KCNMA1: variants seen among roughly 807,000 people sequenced by gnomAD.
The protein encoded by KCNMA1 is Calcium-activated potassium channel subunit alpha-1.
Under a neutral mutation model 140.0 loss-of-function variants are expected in KCNMA1, and 29 were observed. The ratio of observed to expected loss-of-function variants is 0.21; its 90% CI spans 0.15 to 0.28. The LOEUF (loss-of-function observed/expected upper bound fraction) is 0.28, where lower values mean the gene tolerates loss of function less well. Among genes scored for constraint, KCNMA1 ranks in the 10% least tolerant of loss-of-function variants. The pLI is 1.00. For synonymous variants in KCNMA1, 612 were observed against 611.9 expected (o/e 1.00, Z 0.00); for missense variants, 880 against 1,602.2 (o/e 0.55, Z 7.70).
chr10:77,420,376 A>G (rs1472637039), intron 1 of KCNMA1, among the ~76,000 whole-genome samples: 1 of 152,158 alleles, frequency 6.6e-6, no homozygotes, highest in Non-Finnish European at 1.5e-5. Flanking sequence ...TCCTTCCCAA[A>G]TCCTACACAT....
intron 23 of KCNMA1, among the ~76,000 whole-genome samples, chr10:76,934,587 G>A (rs375410952): frequency 2.0e-5 from 3 of 152,250 alleles, no homozygotes; most frequent in East Asian, 1.9e-4. Context: ...TGTCCCTTTT[G>A]CCTGTAGACC....
chr10:77,466,214 G>A (rs116422247), intron 1 of KCNMA1, among the ~76,000 whole-genome samples: 310 of 152,222 alleles, frequency 2.0e-3, no homozygotes, highest in African/African-American at 7.2e-3. Context: ...CCCTCACTTC[G>A]CCTGGTCTCC....
intron 1 of KCNMA1, chr10:77,634,239 G>GA: frequency 1.0e-6 from 1 of 985,230 alleles, no homozygotes; most frequent in Non-Finnish European, 1.2e-6. Flanking sequence ...ATCCCACAAG[G>GA]AAAAAAACAA....
Position 76,940,998 on chromosome 10 carries a change from A to AAAGG in KCNMA1, c.2902+3771_2902+3774dup, listed in dbSNP as rs752766663. 8.1e-4 allele frequency among the ~76,000 whole-genome samples: 51 copies of AAAGG among 63,298 alleles called. 1 individual carries two copies. Among genetic ancestry groups the AAAGG allele is most frequent in the South Asian group, 1.9e-3 (4 of 2,146 alleles). 41.5% of individuals were successfully genotyped at this position (63,298 alleles called of 152,430 possible). ...GAAAGAAAGAGAGAAAGAGAGAAAGAAAGGAAGGAAGGAAGGAAGGAAGAA... is the reference window on the plus strand; with the variant it reads ...GAAAGAAAGAGAGAAAGAGAGAAAGAAAGGAAGGAAGGAAGGAAGGAAGGAAGAA... On this transcript the variant is annotated intron_variant, in intron 23 of 27. Coordinates refer to ENST00000286628, the MANE Select transcript of KCNMA1 (RefSeq NM_001161352.2).
At chr10:77,314,162 G>C (rs778241846) in intron 2 of KCNMA1, 1 of 152,190 alleles carries the variant, frequency 6.6e-6, no homozygotes, top group African/African-American at 2.4e-5. Context: ...GGGCATGAGT[G>C]TGTGTCTATT....
chr10:77,090,722 T>C (rs1595754688), intron 9 of KCNMA1: 8 of 595,154 alleles, frequency 1.3e-5, no homozygotes, highest in Admixed American at 2.9e-5. Context: ...AAAAGCCATA[T>C]GGCTTCTCAC....
chr10:76,935,245 G>T (rs2060253571), intron 23 of KCNMA1, among the ~76,000 whole-genome samples: 1 of 152,200 alleles, frequency 6.6e-6, no homozygotes, highest in South Asian at 2.1e-4. Flanking sequence ...AGCCCCTTAG[G>T]TGCAAGGACC....
At chr10:77,212,156 T>C (rs1233940573) in intron 3 of KCNMA1, among the ~76,000 whole-genome samples, 2 of 152,190 alleles carry the variant, frequency 1.3e-5, no homozygotes, top group African/African-American at 2.4e-5. Flanking sequence ...TACATGCTCA[T>C]TGCCATGAAA....
intron 1 of KCNMA1, among the ~76,000 whole-genome samples, chr10:77,414,235 T>G (rs1006163050): frequency 6.6e-6 from 1 of 152,196 alleles, no homozygotes; most frequent in Non-Finnish European, 1.5e-5. Context: ...ACGCACTGTC[T>G]CAGCTCTGTA....
intron 21 of KCNMA1, among the ~76,000 whole-genome samples, chr10:76,953,495 G>A (rs2067047336): frequency 6.6e-6 from 1 of 152,104 alleles, no homozygotes; most frequent in African/African-American, 2.4e-5. Flanking sequence ...GGTACAGGCA[G>A]GCTCTGACAC....
intron 5 of KCNMA1, among the ~76,000 whole-genome samples, chr10:77,123,697 C>T (rs2097675845): frequency 6.6e-6 from 1 of 152,162 alleles, no homozygotes; most frequent in African/African-American, 2.4e-5. Context: ...GCATTATATA[C>T]ACACACCTAC....
At chr10:77,052,654 C>A (rs909285798) in intron 14 of KCNMA1, among the ~76,000 whole-genome samples, 1 of 148,794 alleles carries the variant, frequency 6.7e-6, no homozygotes, top group Non-Finnish European at 1.5e-5. Context: ...TCAAAATATT[C>A]TTTTTAAAAA....
intron 1 of KCNMA1, among the ~76,000 whole-genome samples, chr10:77,504,277 C>T (rs1486697666): frequency 1.3e-5 from 2 of 152,182 alleles, no homozygotes; most frequent in East Asian, 1.9e-4. Context: ...GCCCCATCAC[C>T]CTCCAGATAT....
intron 3 of KCNMA1, among the ~76,000 whole-genome samples, chr10:77,208,788 T>C (rs1194883998): frequency 1.3e-5 from 2 of 152,190 alleles, no homozygotes; most frequent in Non-Finnish European, 1.5e-5. Context: ...ACAAATACAC[T>C]GATTCCCCAA....
Position 77,214,458 on chromosome 10 carries a change from C to T in KCNMA1, c.603-29542G>A, listed in dbSNP as rs1464631673. On this transcript the variant is annotated intron_variant, in intron 3 of 27. Transcript: ENST00000286628. ...CATAACACACCATGCCCTCCACAGACACTCTTTCAGCCCTGTACTGTCTAA... is the reference window on the plus strand; with the variant it reads ...CATAACACACCATGCCCTCCACAGATACTCTTTCAGCCCTGTACTGTCTAA... Among the ~76,000 whole-genome samples the T allele has an allele frequency of 2.0e-5, 3 of 152,336 alleles. No individual in the cohort carries two copies. The East Asian group carries it at 5.8e-4, about 29-fold the overall frequency.
chr10:77,387,561 CTTTTCTTTTCTTTT>C (rs2095652177), intron 2 of KCNMA1, among the ~76,000 whole-genome samples: 1 of 127,996 alleles, frequency 7.8e-6, no homozygotes, highest in Non-Finnish European at 1.7e-5. Flanking sequence ...TTTTCTTTTT[CTTTTCTTTTCTTTT>C]TTTTCTTTTC....
At chr10:76,945,817 A>G (rs12779465) in intron 22 of KCNMA1, among the ~76,000 whole-genome samples, 1 of 151,154 alleles carries the variant, frequency 6.6e-6, no homozygotes, top group South Asian at 2.1e-4. Context: ...AAAAAAAAAA[A>G]CCCACAAAAT....
At chr10:77,012,374 G>A in intron 17 of KCNMA1, 1 of 1,512,150 alleles carries the variant, frequency 6.6e-7, no homozygotes, top group Non-Finnish European at 8.9e-7. Context: ...GTGGGGACAT[G>A]TGGGCAATGA....
chr10:77,007,784 C>T (rs1322361463), intron 18 of KCNMA1, among the ~76,000 whole-genome samples: 1 of 151,540 alleles, frequency 6.6e-6, no homozygotes, highest in Non-Finnish European at 1.5e-5. Context: ...GCAAGCATGA[C>T]AATTACCCCA....
Sources: gnomAD v4.1 joint callset for allele counts (sites outside exome capture counted in the v4.1 genomes callset) on GRCh38, gnomAD v4.1.1 for gene constraint, MANE v1.5 for transcripts, NCBI Gene and HGNC (gene_info 2026-07-23, HGNC 2026-07-21) for gene names.